The following FLACC1 variants were observed in gnomAD, a reference collection of about 807,000 sequenced individuals.
FLACC1 encodes flagellum associated containing coiled-coil domains 1.
Under a neutral mutation model 62.8 loss-of-function variants are expected in FLACC1, and 66 were observed. The ratio of observed to expected loss-of-function variants is 1.05; its 90% CI spans 0.86 to 1.29. The LOEUF (loss-of-function observed/expected upper bound fraction) is 1.29, where lower values mean the gene tolerates loss of function less well. FLACC1 is among the 50% of genes most tolerant of loss of function. The pLI is 0.00. For synonymous variants in FLACC1, 156 were observed against 161.0 expected (o/e 0.97, Z 0.24); for missense variants, 452 against 489.1 (o/e 0.92, Z 0.71).
chr2:201,339,605 AT>A (rs1012712848), intron 7 of FLACC1, among the ~76,000 whole-genome samples: 46 of 150,234 alleles, frequency 3.1e-4, no homozygotes, highest in Non-Finnish European at 4.3e-4. Context: ...TTGTATTTCA[AT>A]TTTTTTTTGT....
chr2:201,308,228 T>A (rs983868653), intron 10 of FLACC1, among the ~76,000 whole-genome samples: 6 of 152,190 alleles, frequency 3.9e-5, no homozygotes, highest in Non-Finnish European at 5.9e-5. Flanking sequence ...CGGTTACATC[T>A]TTACTTAGAC....
At chr2:201,335,103 A>T (rs1361995781) in intron 7 of FLACC1, among the ~76,000 whole-genome samples, 1 of 152,038 alleles carries the variant, frequency 6.6e-6, no homozygotes, top group Non-Finnish European at 1.5e-5. Flanking sequence ...GTCTCTTACG[A>T]TCCTTTGTAT....
chr2:201,359,066 G>C (rs921990555), upstream of FLACC1, among the ~76,000 whole-genome samples: 1 of 152,222 alleles, frequency 6.6e-6, no homozygotes, highest in Admixed American at 6.5e-5. Context: ...GGTCGTCATG[G>C]GACCTGACGA....
At chr2:201,363,243 G>A in the FLACC1 span, among the ~76,000 whole-genome samples, 3 of 151,874 alleles carry the variant, frequency 2.0e-5, no homozygotes, top group Non-Finnish European at 4.4e-5. Flanking sequence ...CCCTTCCTTG[G>A]ATCAGCAGCC....
At chr2:201,325,642 G>A (rs1334877999) in intron 9 of FLACC1, among the ~76,000 whole-genome samples, 3 of 152,066 alleles carry the variant, frequency 2.0e-5, no homozygotes, top group African/African-American at 7.2e-5. Context: ...CCCTGAACAG[G>A]TGAATAACAA....
At chr2:201,302,110 A>G (rs1241072363) in intron 11 of FLACC1, among the ~76,000 whole-genome samples, 1 of 152,234 alleles carries the variant, frequency 6.6e-6, no homozygotes, top group South Asian at 2.1e-4. Context: ...TAAATGGGCT[A>G]AATGCTCCAA....
intron 7 of FLACC1, among the ~76,000 whole-genome samples, chr2:201,336,803 A>G (rs1429641939): frequency 6.6e-6 from 1 of 152,158 alleles, no homozygotes; most frequent in Non-Finnish European, 1.5e-5. Context: ...CATCTTTGTC[A>G]ATATATGTTA....
the FLACC1 span, among the ~76,000 whole-genome samples, chr2:201,363,993 G>T: frequency 6.6e-6 from 1 of 152,178 alleles, no homozygotes; most frequent in Non-Finnish European, 1.5e-5. Flanking sequence ...CCCTCCCTGT[G>T]TCTGAGCAGG....
chr2:201,317,031 C>T (rs1950319875), intron 9 of FLACC1, among the ~76,000 whole-genome samples: 1 of 152,044 alleles, frequency 6.6e-6, no homozygotes, highest in African/African-American at 2.4e-5. Context: ...GCAAAACTAG[C>T]ATACAAGGGC....
At chr2:201,337,502 T>C (rs1016496516) in intron 7 of FLACC1, among the ~76,000 whole-genome samples, 2 of 152,218 alleles carry the variant, frequency 1.3e-5, no homozygotes, top group Non-Finnish European at 2.9e-5. Context: ...TATGTTTATA[T>C]GTCTATTTTT....
Position 201,349,047 on chromosome 2 carries a change from T to A in FLACC1, c.186-745A>T, listed in dbSNP as rs1271726625. 2.0e-5 allele frequency among the ~76,000 whole-genome samples: 3 copies of A among 152,224 alleles called. No individual in the cohort carries two copies. In the East Asian group the frequency reaches 5.8e-4, roughly 29 times the overall value. ...AAGGTCAGCTGATTAGCAACCTTAA[T>A]TCCATCTGCAGCCTTAATTCCTCTT... On this transcript the variant is annotated intron_variant, in intron 3 of 14. Transcript: ENST00000392257.
At chr2:201,293,551 T>G (rs1466625438) in intron 12 of FLACC1, among the ~76,000 whole-genome samples, 1 of 152,150 alleles carries the variant, frequency 6.6e-6, no homozygotes, top group Non-Finnish European at 1.5e-5. Flanking sequence ...TGGCACTAAA[T>G]GCCCACAAGA....
intron 7 of FLACC1, among the ~76,000 whole-genome samples, chr2:201,338,304 T>A (rs2125604226): frequency 6.6e-6 from 1 of 152,242 alleles, no homozygotes; most frequent in East Asian, 1.9e-4. Flanking sequence ...TTGGATGGAG[T>A]TTTTTTGTGA....
upstream of FLACC1, among the ~76,000 whole-genome samples, chr2:201,358,211 C>T (rs1951148080): frequency 6.6e-6 from 1 of 152,138 alleles, no homozygotes; most frequent in African/African-American, 2.4e-5. Context: ...AATAAAAAAG[C>T]TCAATAAAAG....
rs1382723543 is a variant in FLACC1, at chr2:201,336,592, T to C, written c.525-5759A>G. 2.6e-5 allele frequency among the ~76,000 whole-genome samples: 4 copies of C among 152,192 alleles called. No individual in the cohort carries two copies. The East Asian group carries it at 7.7e-4, about 29-fold the overall frequency. On this transcript the variant is annotated intron_variant, in intron 7 of 14. Transcript: ENST00000392257. ...GTTCTTTGAGAAATCTCCAAACTGCTTTCCACAGTGGCTGAACTAATTAAC... is the reference window on the plus strand; with the variant it reads ...GTTCTTTGAGAAATCTCCAAACTGCCTTCCACAGTGGCTGAACTAATTAAC...
At chr2:201,293,052 G>C (rs371864131) in intron 12 of FLACC1, among the ~76,000 whole-genome samples, 1 of 152,106 alleles carries the variant, frequency 6.6e-6, no homozygotes, top group East Asian at 1.9e-4. Flanking sequence ...AAAAGACTTA[G>C]ACTCCCACAC....
At chr2:201,319,997 C>T (rs1390785256) in intron 9 of FLACC1, among the ~76,000 whole-genome samples, 1 of 152,184 alleles carries the variant, frequency 6.6e-6, no homozygotes, top group Admixed American at 6.5e-5. Context: ...ATACACACCC[C>T]CACTGTGGAC....
At position 201,341,421 on chromosome 2, in the gene FLACC1, T is replaced by C. The variant is rs1277278017; in HGVS notation, c.524+949A>G. Reference sequence around the variant, plus strand: ...TATATATATATATATAAATCATATATATATGCATCTCTACTATAGTAACCA... The same window carrying C: ...TATATATATATATATAAATCATATACATATGCATCTCTACTATAGTAACCA... On this transcript the variant is annotated intron_variant, in intron 7 of 14. Coordinates refer to ENST00000392257, the MANE Select transcript of FLACC1 (RefSeq NM_001127391.3). Among the ~76,000 whole-genome samples, 3 of 149,352 alleles carry C rather than the reference T, an allele frequency of 2.0e-5. No homozygotes were observed. In the Admixed American group the frequency reaches 2.0e-4, roughly 10 times the overall value.
intron 1 of FLACC1, among the ~76,000 whole-genome samples, chr2:201,352,352 C>A (rs890519067): frequency 1.3e-5 from 2 of 152,148 alleles, no homozygotes; most frequent in African/African-American, 4.8e-5. Flanking sequence ...AAACAAAACC[C>A]CTATTATGAG....
Sources: allele counts gnomAD v4.1 joint callset (sites outside exome capture counted in the v4.1 genomes callset), GRCh38; gene constraint gnomAD v4.1.1; transcripts MANE v1.5; gene names NCBI Gene and HGNC (gene_info 2026-07-23, HGNC 2026-07-21).